The following FAF1 variants were observed in gnomAD, a reference collection of about 807,000 sequenced individuals.
FAF1 encodes the protein Fas associated factor 1.
A neutral mutation model predicts 92.5 loss-of-function variants in FAF1; 25 were observed. The observed-to-expected ratio is 0.27, with a 90% CI of 0.20 to 0.38. FAF1 has a LOEUF of 0.38. Among genes scored for constraint, FAF1 ranks in the 10% least tolerant of loss-of-function variants. The pLI is 1.00. For missense variants in FAF1, 636 were observed against 793.3 expected, an observed-to-expected ratio of 0.80 and a Z score of 2.38; for synonymous variants, 234 against 273.2, an observed-to-expected ratio of 0.86 and a Z score of 1.42.
At chr1:50,830,956 G>T (rs1355635146) in intron 2 of FAF1, among the ~76,000 whole-genome samples, 2 of 152,050 alleles carry the variant, frequency 1.3e-5, no homozygotes, top group Non-Finnish European at 2.9e-5. Context: ...AAATATACTT[G>T]ACCCATCATT....
chr1:50,510,505 G>T (rs1471053729), intron 15 of FAF1, among the ~76,000 whole-genome samples: 2 of 152,210 alleles, frequency 1.3e-5, no homozygotes, highest in African/African-American at 4.8e-5. Flanking sequence ...TGAGCCTCAG[G>T]TCTCTGAAGC....
intron 6 of FAF1, among the ~76,000 whole-genome samples, chr1:50,708,285 A>C (rs544268044): frequency 6.6e-6 from 1 of 152,338 alleles, no homozygotes; most frequent in Admixed American, 6.5e-5. Context: ...AGAGGCACAG[A>C]TGAAAAACTG....
chr1:50,525,948 T>C (rs1284667416), intron 15 of FAF1, among the ~76,000 whole-genome samples: 1 of 152,240 alleles, frequency 6.6e-6, no homozygotes, highest in African/African-American at 2.4e-5. Context: ...CCTTTAATAC[T>C]GAGTACATGA....
intron 4 of FAF1, 100 bp from the exon 5 acceptor site, chr1:50,744,875 G>A (rs1466637087): frequency 8.6e-6 from 5 of 584,420 alleles, no homozygotes; most frequent in Non-Finnish European, 1.5e-5. Context: ...ACAGTGTACA[G>A]TCAATGACAT....
chr1:50,854,609 T>G (rs1644376764), intron 2 of FAF1, among the ~76,000 whole-genome samples: 1 of 151,942 alleles, frequency 6.6e-6, no homozygotes, highest in African/African-American at 2.4e-5. Flanking sequence ...TGGAGCCAAG[T>G]GTAGAGTACT....
chr1:50,621,282 C>T (rs1309178817), intron 8 of FAF1, among the ~76,000 whole-genome samples: 2 of 151,980 alleles, frequency 1.3e-5, no homozygotes, highest in African/African-American at 2.4e-5. Context: ...GCTGTGTACA[C>T]GCTCCTGCAA....
At chr1:50,481,291 T>A (rs1646701419) in intron 17 of FAF1, among the ~76,000 whole-genome samples, 1 of 152,220 alleles carries the variant, frequency 6.6e-6, no homozygotes, top group African/African-American at 2.4e-5. Flanking sequence ...CACTCACCAC[T>A]TGCTCACTGA....
intron 1 of FAF1, among the ~76,000 whole-genome samples, chr1:50,895,814 T>C (rs1644753439): frequency 6.6e-6 from 1 of 151,986 alleles, no homozygotes; most frequent in Non-Finnish European, 1.5e-5. Context: ...CAATAGATAC[T>C]GAAAAAGCAT....
intron 8 of FAF1, among the ~76,000 whole-genome samples, chr1:50,627,567 A>AG (rs1324163401): frequency 6.6e-6 from 1 of 152,098 alleles, no homozygotes; most frequent in Non-Finnish European, 1.5e-5. Flanking sequence ...GGTTGGACAA[A>AG]GAAGGAAGGA....
At position 50,853,108 on chromosome 1, in the gene FAF1, G is replaced by A. The variant is rs368157044; in HGVS notation, c.114+4821C>T. ...AGAGACTCATTATTATCAATGGTTAGTCTATTCATTCATAAAACTGCAGGT... is the reference window on the plus strand; with the variant it reads ...AGAGACTCATTATTATCAATGGTTAATCTATTCATTCATAAAACTGCAGGT... On this transcript the variant is annotated intron_variant, in intron 2 of 18. Coordinates refer to ENST00000396153, the MANE Select transcript of FAF1 (RefSeq NM_007051.3). 1.8e-4 allele frequency among the ~76,000 whole-genome samples: 28 copies of A among 152,230 alleles called. No individual in the cohort carries two copies. The South Asian group carries it at 4.6e-3, about 25-fold the overall frequency.
intron 6 of FAF1, among the ~76,000 whole-genome samples, chr1:50,715,981 G>C (rs1658150569): frequency 6.6e-6 from 1 of 152,068 alleles, no homozygotes; most frequent in Non-Finnish European, 1.5e-5. Flanking sequence ...GAAAATAAAT[G>C]TAACACTCTT....
chr1:50,947,993 G>A (rs189114449), intron 1 of FAF1, among the ~76,000 whole-genome samples: 245 of 152,158 alleles, frequency 1.6e-3, no homozygotes, highest in Non-Finnish European at 1.3e-3. Flanking sequence ...TTCCCCAACA[G>A]AGCTGACAGT....
At chr1:50,574,334 C>T (rs1424183441) in intron 12 of FAF1, among the ~76,000 whole-genome samples, 1 of 152,178 alleles carries the variant, frequency 6.6e-6, no homozygotes, top group African/African-American at 2.4e-5. Context: ...TACAGAGAAG[C>T]AGGCATGCTC....
intron 15 of FAF1, 37 bp from the exon 16 acceptor site, chr1:50,491,838 A>G: frequency 6.7e-7 from 1 of 1,488,578 alleles, no homozygotes; most frequent in Middle Eastern, 1.8e-4. Flanking sequence ...TTGACATATA[A>G]CTTTTTTTTG....
intron 1 of FAF1, among the ~76,000 whole-genome samples, chr1:50,876,181 G>A (rs1006958979): frequency 7.2e-5 from 11 of 152,218 alleles, no homozygotes; most frequent in Non-Finnish European, 1.5e-5. Flanking sequence ...TGCTTCTCAA[G>A]ATGAAATGGA....
At chr1:50,585,388 A>T (rs1651178034) in intron 9 of FAF1, among the ~76,000 whole-genome samples, 1 of 152,202 alleles carries the variant, frequency 6.6e-6, no homozygotes. Context: ...TGTAATAATA[A>T]TGTTTTAATT....
At chr1:50,731,443 C>T (rs932394362) in intron 6 of FAF1, among the ~76,000 whole-genome samples, 3 of 149,894 alleles carry the variant, frequency 2.0e-5, no homozygotes, top group African/African-American at 7.4e-5. Context: ...AGTCTTGGCT[C>T]ACTGCAAGCT....
intron 18 of FAF1, among the ~76,000 whole-genome samples, chr1:50,467,180 G>T (rs1399171112): frequency 6.6e-6 from 1 of 152,138 alleles, no homozygotes; most frequent in East Asian, 1.9e-4. Context: ...GATAAACAGG[G>T]TGTGAAATAC....
chr1:50,753,946 C>T (rs753600093), intron 4 of FAF1, among the ~76,000 whole-genome samples: 14 of 151,672 alleles, frequency 9.2e-5, no homozygotes, highest in Non-Finnish European at 1.8e-4. Context: ...TTGGCAGAGA[C>T]GGGGTTTCAA....
Sources: allele counts gnomAD v4.1 joint callset (sites outside exome capture counted in the v4.1 genomes callset), GRCh38; gene constraint gnomAD v4.1.1; transcripts MANE v1.5; gene names NCBI Gene and HGNC (gene_info 2026-07-23, HGNC 2026-07-21).